Variants in STK32A observed in about 807,000 individuals in gnomAD.
The protein encoded by STK32A is serine/threonine-protein kinase 32A.
In STK32A, 41 loss-of-function variants were observed where a neutral mutation model predicts 53.2. That is an observed-to-expected ratio of 0.77 (90% CI 0.60 to 1.00). STK32A has a LOEUF of 1.00. STK32A is among the 50% of genes least tolerant of loss of function. STK32A has a pLI of 0.00. For synonymous variants in STK32A, 166 were observed against 162.8 expected, an observed-to-expected ratio of 1.02 and a Z score of -0.15; for missense variants, 458 against 485.8, an observed-to-expected ratio of 0.94 and a Z score of 0.54.
downstream of STK32A, among the ~76,000 whole-genome samples, chr5:147,389,111 C>T (rs1581164428): frequency 6.6e-6 from 1 of 152,154 alleles, no homozygotes; most frequent in African/African-American, 2.4e-5. Context: ...TCACTCTATG[C>T]TCCTGTATCA....
At chr5:147,395,021 G>A in the STK32A span, among the ~76,000 whole-genome samples, 14 of 152,134 alleles carry the variant, frequency 9.2e-5, no homozygotes, top group Non-Finnish European at 1.3e-4. Context: ...CAGAGAGTTC[G>A]TAAAGAATAG....
At chr5:147,342,902 C>T (rs924966087) in intron 5 of STK32A, 104 bp from the exon 6 acceptor site, 3 of 947,728 alleles carry the variant, frequency 3.2e-6, no homozygotes, top group Non-Finnish European at 3.4e-6. Context: ...GAAGCTAGTA[C>T]ACTGTTTCAA....
intron 4 of STK32A, among the ~76,000 whole-genome samples, chr5:147,307,734 T>C (rs866539072): frequency 2.0e-5 from 3 of 152,098 alleles, no homozygotes; most frequent in Middle Eastern, 3.4e-3. Context: ...ATCTACAGTC[T>C]AGGATCAAGT....
chr5:147,246,926 A>AT lies in STK32A; in HGVS notation c.52+7246dup, dbSNP rs1416279714. On this transcript the variant is annotated intron_variant, in intron 2 of 12. Coordinates refer to ENST00000397936, the MANE Select transcript of STK32A (RefSeq NM_001112724.2). ...GATGAAAATTCATTGCTTCTTTATG[A>AT]TTTTTTAAAACTCAAGAACATGTTA... Among the ~76,000 whole-genome samples the AT allele has an allele frequency of 5.9e-5, 9 of 152,294 alleles. No homozygotes were observed. The East Asian group carries it at 1.5e-3, about 26-fold the overall frequency.
intron 2 of STK32A, among the ~76,000 whole-genome samples, chr5:147,274,949 C>T (rs1348627818): frequency 6.6e-6 from 1 of 152,142 alleles, no homozygotes; most frequent in Non-Finnish European, 1.5e-5. Flanking sequence ...TATATACATT[C>T]TCTATTGCAT....
chr5:147,397,807 G>A, the STK32A span: 13 of 1,613,610 alleles, frequency 8.1e-6, no homozygotes, highest in Admixed American at 3.3e-5. Context: ...GAGGAGCCCC[G>A]CGCAGCTCCA....
At chr5:147,356,220 T>G (rs1450725976) in intron 7 of STK32A, among the ~76,000 whole-genome samples, 1 of 152,146 alleles carries the variant, frequency 6.6e-6, no homozygotes, top group African/African-American at 2.4e-5. Context: ...GCCTGAGACA[T>G]GGACGATGAT....
chr5:147,301,406 G>T (rs944336185), intron 4 of STK32A, among the ~76,000 whole-genome samples: 15 of 152,060 alleles, frequency 9.9e-5, no homozygotes, highest in African/African-American at 3.4e-4. Context: ...TGTCAAATAA[G>T]TGTATTTGGG....
At chr5:147,245,701 T>C (rs1465142241) in intron 2 of STK32A, among the ~76,000 whole-genome samples, 2 of 152,224 alleles carry the variant, frequency 1.3e-5, no homozygotes, top group East Asian at 3.8e-4. Context: ...ATATTATAGC[T>C]AAGAAAATTT....
rs1267365927 is a variant in STK32A, at chr5:147,260,231, TC to T, written c.53-17892del. Among the ~76,000 whole-genome samples the T allele has an allele frequency of 8.7e-4, 94 of 108,476 alleles. 2 individuals are homozygous for T. Among genetic ancestry groups the T allele is most frequent in the African/African-American group, 3.5e-3 (89 of 25,736 alleles). 71.2% of individuals were successfully genotyped at this position (108,476 alleles called of 152,430 possible). A position where few individuals can be genotyped will look rare whatever the true frequency, so the allele number is the denominator to read the frequency against. ...CTCTCTCCTCTCTCTCTCTCTCCTC[TC>T]TGTCTCTGTCTCTCTCTCTCTCCTC... On this transcript the variant is annotated intron_variant, in intron 2 of 12. Coordinates refer to ENST00000397936, the MANE Select transcript of STK32A (RefSeq NM_001112724.2).
At chr5:147,314,649 A>G (rs1244909176) in intron 4 of STK32A, among the ~76,000 whole-genome samples, 1 of 152,060 alleles carries the variant, frequency 6.6e-6, no homozygotes, top group African/African-American at 2.4e-5. Flanking sequence ...GTCAGTGAGC[A>G]CTTCAAAAGA....
At chr5:147,330,798 C>T (rs1754831131) in intron 5 of STK32A, among the ~76,000 whole-genome samples, 1 of 152,180 alleles carries the variant, frequency 6.6e-6, no homozygotes, top group Non-Finnish European at 1.5e-5. Flanking sequence ...CTGTAATGAC[C>T]TGTCTACAGA....
At chr5:147,239,749 C>T (rs1753486895) in intron 2 of STK32A, 63 bp downstream of exon 2, 1 of 1,247,100 alleles carries the variant, frequency 8.0e-7, no homozygotes, top group African/African-American at 1.5e-5. Context: ...GTATATGCTT[C>T]TAGTTTCATA....
At chr5:147,301,206 C>T (rs571448600) in intron 4 of STK32A, among the ~76,000 whole-genome samples, 1 of 152,280 alleles carries the variant, frequency 6.6e-6, no homozygotes, top group African/African-American at 2.4e-5. Context: ...CAAGTAGCAA[C>T]TCTCAGAAAG....
At chr5:147,270,774 G>A (rs1364908894) in intron 2 of STK32A, among the ~76,000 whole-genome samples, 1 of 152,206 alleles carries the variant, frequency 6.6e-6, no homozygotes, top group Non-Finnish European at 1.5e-5. Flanking sequence ...ATGAAGAACA[G>A]TTAATGTAGT....
chr5:147,385,660 G>T lies in STK32A; in HGVS notation c.*1677G>T, dbSNP rs993469724. 4 of 152,180 alleles carry T rather than the reference G, an allele frequency of 2.6e-5. No homozygotes were observed. The highest frequency in any genetic ancestry group is 7.2e-5 in the African/African-American group (3 of 41,418). The allele number at this position is 152,180 out of a possible 1,614,324, so 9.4% of individuals were successfully genotyped here. A position where few individuals can be genotyped will look rare whatever the true frequency, so the allele number is the denominator to read the frequency against. ...AAAGTTTAATTCACCTAAGTGAGAC[G>T]TGCATATGATGTAACTCCACTGTAC... On this transcript the variant is annotated 3_prime_UTR_variant, in exon 13 of 13. Transcript: ENST00000397936.
At chr5:147,241,208 G>A (rs1753556168) in intron 2 of STK32A, among the ~76,000 whole-genome samples, 1 of 152,222 alleles carries the variant, frequency 6.6e-6, no homozygotes, top group Admixed American at 6.5e-5. Context: ...GCCAGGCGCG[G>A]TGGCTCACGC....
rs138679498 is a variant in STK32A, at chr5:147,361,446, G to A, written c.563-71G>A. 97 of 1,008,714 alleles carry A rather than the reference G, an allele frequency of 9.6e-5. No individual in the cohort carries two copies. The African/African-American group carries it at 1.4e-3, about 14-fold the overall frequency. 62.5% of individuals were successfully genotyped at this position (1,008,714 alleles called of 1,614,324 possible). On this transcript the variant is annotated intron_variant, in intron 7 of 12. Coordinates refer to ENST00000397936, the MANE Select transcript of STK32A (RefSeq NM_001112724.2). Reference sequence around the variant, plus strand: ...TTGATCCTGGTAATTCTCCTTTGGAGGAACATGTTGAGAAAATATAATACT... The same window carrying A: ...TTGATCCTGGTAATTCTCCTTTGGAAGAACATGTTGAGAAAATATAATACT...
At chr5:147,332,265 G>C (rs1754906675) in intron 5 of STK32A, among the ~76,000 whole-genome samples, 1 of 151,662 alleles carries the variant, frequency 6.6e-6, no homozygotes, top group Non-Finnish European at 1.5e-5. Flanking sequence ...TTAGTATAGG[G>C]TAACCTATTT....
Sources: allele counts gnomAD v4.1 joint callset (sites outside exome capture counted in the v4.1 genomes callset), GRCh38; gene constraint gnomAD v4.1.1; transcripts MANE v1.5; gene names NCBI Gene and HGNC (gene_info 2026-07-23, HGNC 2026-07-21).